Variants in TMEM255A observed in about 807,000 individuals in gnomAD.
The protein encoded by TMEM255A is family with sequence similarity 70, member A.
Under a neutral mutation model 23.5 loss-of-function variants are expected in TMEM255A, and 14 were observed. That is an observed-to-expected ratio of 0.60 (90% CI 0.39 to 0.93). TMEM255A has a LOEUF of 0.93. Among genes scored for constraint, TMEM255A ranks in the 40% least tolerant of loss-of-function variants. The pLI is 0.00. For missense variants in TMEM255A, 233 were observed against 261.7 expected, an observed-to-expected ratio of 0.89 and a Z score of 0.76; for synonymous variants, 104 against 100.3, an observed-to-expected ratio of 1.04 and a Z score of -0.22.
chrX:120,282,044 T>G (rs1159985860), intron 6 of TMEM255A, among the ~76,000 whole-genome samples: 1 of 111,317 alleles, frequency 9.0e-6, no homozygotes, highest in East Asian at 2.8e-4. Context: ...TTCCAGGAAA[T>G]GGACCGGAGG....
chrX:120,304,754 G>A (rs896826582), intron 1 of TMEM255A, among the ~76,000 whole-genome samples: 15 of 111,414 alleles, frequency 1.3e-4, no homozygotes, highest in Non-Finnish European at 2.8e-4. Flanking sequence ...AAAACAAAAC[G>A]AATTTTTGTG....
At chrX:120,271,028 T>C (rs1467068280) in intron 7 of TMEM255A, among the ~76,000 whole-genome samples, 1 of 111,186 alleles carries the variant, frequency 9.0e-6, no homozygotes, top group Non-Finnish European at 1.9e-5. Flanking sequence ...TCAAAGATCT[T>C]CTCCCCAGAT....
chrX:120,265,988 C>CAAAAAAAAAAAAAAA (rs782107279), intron 8 of TMEM255A, among the ~76,000 whole-genome samples: 1 of 68,752 alleles, frequency 1.5e-5, no homozygotes, highest in African/African-American at 6.0e-5. Flanking sequence ...ACAAAAGATA[C>CAAAAAAAAAAAAAAA]AAAAAAAAAA....
chrX:120,288,285 C>G (rs782765770), intron 4 of TMEM255A, among the ~76,000 whole-genome samples: 1 of 111,884 alleles, frequency 8.9e-6, no homozygotes, highest in Non-Finnish European at 1.9e-5. Context: ...GGTTCTAGGA[C>G]TTTCCATCAG....
intron 6 of TMEM255A, among the ~76,000 whole-genome samples, chrX:120,279,669 G>GGCTCTGTCATCTAT (rs1206059839): frequency 8.9e-6 from 1 of 112,356 alleles, no homozygotes; most frequent in African/African-American, 3.2e-5. Flanking sequence ...TTCGAATCCT[G>GGCTCTGTCATCTAT]GCTCTGTCAT....
intron 7 of TMEM255A, among the ~76,000 whole-genome samples, chrX:120,271,423 T>C (rs2057760569): frequency 8.9e-6 from 1 of 111,840 alleles, no homozygotes; most frequent in Non-Finnish European, 1.9e-5. Flanking sequence ...CACAAAGTAG[T>C]AATAGTGAAG....
At chrX:120,268,205 C>A in intron 8 of TMEM255A, 39 bp downstream of exon 8, 1 of 1,173,993 alleles carries the variant, frequency 8.5e-7, no homozygotes, top group Non-Finnish European at 1.1e-6. Context: ...TGAGTGAGAA[C>A]AAGGGTAATA....
chrX:120,274,282 G>A (rs1556019338), intron 7 of TMEM255A, among the ~76,000 whole-genome samples: 2 of 111,858 alleles, frequency 1.8e-5, no homozygotes, highest in African/African-American at 6.5e-5. Flanking sequence ...AGGAGTGATT[G>A]TTTAATGGGT....
intron 2 of TMEM255A, among the ~76,000 whole-genome samples, chrX:120,297,791 T>G (rs1340740820): frequency 9.0e-6 from 1 of 111,347 alleles, no homozygotes; most frequent in African/African-American, 3.3e-5. Flanking sequence ...AATTGTGACC[T>G]CCAAGCAACA....
intron 8 of TMEM255A, among the ~76,000 whole-genome samples, chrX:120,267,009 T>C (rs781989449): frequency 8.9e-6 from 1 of 112,112 alleles, no homozygotes; most frequent in East Asian, 2.8e-4. Flanking sequence ...GGGAGTTATT[T>C]ATATCCTCCT....
chrX:120,296,992 TTATATATAA>T (rs2057989627), intron 2 of TMEM255A, among the ~76,000 whole-genome samples: 7 of 3,227 alleles, frequency 2.2e-3, no homozygotes, highest in East Asian at 0.062. Context: ...TATATATATA[TTATATATAA>T]TATATAATAT....
intron 1 of TMEM255A, among the ~76,000 whole-genome samples, chrX:120,309,684 C>G (rs1157568998): frequency 8.9e-6 from 1 of 112,079 alleles, no homozygotes. Flanking sequence ...CTGTCTCTCT[C>G]TCTCTCGCTC....
At chrX:120,284,189 C>T (rs971257818) in intron 6 of TMEM255A, among the ~76,000 whole-genome samples, 1 of 112,082 alleles carries the variant, frequency 8.9e-6, no homozygotes, top group Non-Finnish European at 1.9e-5. Flanking sequence ...ATATTGCAAT[C>T]GATTGTTCAC....
rs1273554092 is a variant in TMEM255A, at chrX:120,258,654, G to A, written c.*2216C>T. ...AGCTACCTTGACACAAGTGGATAACGAGGGGAGGATAGTTTTATTCATTTG... is the reference window on the plus strand; with the variant it reads ...AGCTACCTTGACACAAGTGGATAACAAGGGGAGGATAGTTTTATTCATTTG... On this transcript the variant is annotated 3_prime_UTR_variant, in exon 9 of 9. Coordinates refer to ENST00000371369, the MANE Select transcript of TMEM255A (RefSeq NM_001104544.3). 1 of 112,327 alleles carries A rather than the reference G, an allele frequency of 8.9e-6. No individual in the cohort carries two copies. Among genetic ancestry groups the A allele is most frequent in the African/African-American group, 3.2e-5 (1 of 30,834 alleles). 9.3% of individuals were successfully genotyped at this position (112,327 alleles called of 1,213,427 possible).
At chrX:120,308,603 AG>A (rs1305358535) in intron 1 of TMEM255A, among the ~76,000 whole-genome samples, 1 of 112,074 alleles carries the variant, frequency 8.9e-6, no homozygotes, top group African/African-American at 3.2e-5. Flanking sequence ...ATTTCCTTAA[AG>A]GCGCTGAAAT....
intron 7 of TMEM255A, 127 bp downstream of exon 7, chrX:120,276,758 C>T (rs2057801236): frequency 1.5e-6 from 1 of 674,640 alleles, no homozygotes; most frequent in Non-Finnish European, 2.2e-6. Flanking sequence ...AAGGCAGCTA[C>T]ATCCTTGAAG....
chrX:120,264,369 G>T (rs2057701217), intron 8 of TMEM255A, among the ~76,000 whole-genome samples: 1 of 110,837 alleles, frequency 9.0e-6, no homozygotes, highest in African/African-American at 3.3e-5. Flanking sequence ...AGGAGTTCCT[G>T]AGAAGCAAGG....
At chrX:120,261,555 C>T (rs782703132) in intron 8 of TMEM255A, among the ~76,000 whole-genome samples, 22 of 111,474 alleles carry the variant, frequency 2.0e-4, no homozygotes, top group Non-Finnish European at 4.1e-4. Flanking sequence ...ATAGCTTGCT[C>T]GGATCTGGAG....
chrX:120,296,570 A>T (rs1204796669), intron 2 of TMEM255A, among the ~76,000 whole-genome samples: 2 of 88,895 alleles, frequency 2.2e-5, no homozygotes, highest in Non-Finnish European at 4.2e-5. Context: ...ACCACAGACC[A>T]GGTAAAAACA....
Sources: gnomAD v4.1 joint callset for allele counts (sites outside exome capture counted in the v4.1 genomes callset) on GRCh38, gnomAD v4.1.1 for gene constraint, MANE v1.5 for transcripts, NCBI Gene and HGNC (gene_info 2026-07-23, HGNC 2026-07-21) for gene names.